MIURF: variants seen among roughly 807,000 people sequenced by gnomAD.
At chr22:39,504,357 C>T in the MIURF span, 1 of 399,070 alleles carries the variant, frequency 2.5e-6, no homozygotes, top group Non-Finnish European at 4.4e-6. Context: ...CCGAAAAAAT[C>T]AGAAGCTAGA....
At chr22:39,504,382 G>C in the MIURF span, 23 of 398,940 alleles carry the variant, frequency 5.8e-5, no homozygotes, top group Non-Finnish European at 9.3e-5. Flanking sequence ...GCTGAGGCCC[G>C]GGAGAGGCAG....
chr22:39,504,419 C>T, the MIURF span: 43 of 399,010 alleles, frequency 1.1e-4, no homozygotes, highest in African/African-American at 2.7e-4. Context: ...TCTTTCTCAA[C>T]GGCAAATTGG....
the MIURF span, chr22:39,504,285 C>T: frequency 7.5e-6 from 3 of 398,992 alleles, no homozygotes; most frequent in African/African-American, 4.1e-5. Context: ...TCTGTTGCGC[C>T]AGGGCCGACA....
At chr22:39,504,363 C>G in the MIURF span, 2 of 399,042 alleles carry the variant, frequency 5.0e-6, no homozygotes, top group Non-Finnish European at 8.8e-6. Context: ...AAATCAGAAG[C>G]TAGAGGACGC....
the MIURF span, chr22:39,504,370 A>C: frequency 2.5e-6 from 1 of 398,938 alleles, no homozygotes; most frequent in Non-Finnish European, 4.4e-6. Flanking sequence ...AAGCTAGAGG[A>C]CGCTGAGGCC....
chr22:39,504,238 C>G, the MIURF span: 3 of 399,320 alleles, frequency 7.5e-6, no homozygotes, highest in Middle Eastern at 6.3e-4. Flanking sequence ...CCCATGGCCC[C>G]GTGGAGCCGA....
the MIURF span, chr22:39,504,247 G>A: frequency 1.5e-5 from 6 of 399,146 alleles, no homozygotes; most frequent in Admixed American, 4.4e-5. Flanking sequence ...CCGTGGAGCC[G>A]AGAGGCGGTG....
At chr22:39,504,324 T>G in the MIURF span, 1 of 398,944 alleles carries the variant, frequency 2.5e-6, no homozygotes, top group Non-Finnish European at 4.4e-6. Flanking sequence ...AGACTTCTAC[T>G]TTGCCTCCAT....
chr22:39,504,270 C>T, the MIURF span: 4 of 399,152 alleles, frequency 1.0e-5, no homozygotes, highest in East Asian at 7.1e-5. Context: ...GAGTCTCTAT[C>T]GGGCTCTGTT....
the MIURF span, chr22:39,504,365 AGAGGACGCTGAGGCCCGGGAGAGGC>A: frequency 2.8e-5 from 11 of 398,952 alleles, no homozygotes; most frequent in African/African-American, 2.3e-4. Flanking sequence ...ATCAGAAGCT[AGAGGACGCTGAGGCCCGGGAGAGGC>A]AGCTGGAGAA....
the MIURF span, chr22:39,504,331 C>G: frequency 2.5e-6 from 1 of 399,074 alleles, no homozygotes; most frequent in African/African-American, 2.1e-5. Context: ...TACTTTGCCT[C>G]CATCCGCCGT....
the MIURF span, chr22:39,504,360 A>G: frequency 5.0e-6 from 2 of 398,838 alleles, no homozygotes; most frequent in African/African-American, 4.1e-5. Flanking sequence ...AAAAAATCAG[A>G]AGCTAGAGGA....
At chr22:39,504,240 T>G in the MIURF span, 1 of 399,328 alleles carries the variant, frequency 2.5e-6, no homozygotes, top group East Asian at 3.6e-5. Context: ...CATGGCCCCG[T>G]GGAGCCGAGA....
the MIURF span, chr22:39,504,404 C>T: frequency 1.4e-4 from 55 of 398,984 alleles, no homozygotes; most frequent in African/African-American, 1.0e-3. Context: ...TGGAGAAGGG[C>T]CTGGTCTTTC....
the MIURF span, chr22:39,504,336 C>A: frequency 1.0e-5 from 4 of 398,932 alleles, no homozygotes; most frequent in Non-Finnish European, 1.8e-5. Flanking sequence ...TGCCTCCATC[C>A]GCCGTGAATT....
the MIURF span, chr22:39,504,283 G>A: frequency 1.3e-4 from 53 of 399,064 alleles, no homozygotes; most frequent in Admixed American, 1.1e-3. Flanking sequence ...GCTCTGTTGC[G>A]CCAGGGCCGA....
chr22:39,504,313 G>A, the MIURF span: 46 of 399,070 alleles, frequency 1.2e-4, no homozygotes, highest in African/African-American at 8.2e-4. Flanking sequence ...TACACTGATC[G>A]AGACTTCTAC....
chr22:39,504,251 G>A, the MIURF span: 5 of 399,144 alleles, frequency 1.3e-5, no homozygotes, highest in African/African-American at 2.1e-5. Context: ...GGAGCCGAGA[G>A]GCGGTGCTGA....
the MIURF span, chr22:39,504,286 A>G: frequency 2.5e-6 from 1 of 399,088 alleles, no homozygotes; most frequent in Non-Finnish European, 4.4e-6. Flanking sequence ...CTGTTGCGCC[A>G]GGGCCGACAG....
Sources: gnomAD v4.1 joint callset for allele counts on GRCh38, gnomAD v4.1.1 for gene constraint, MANE v1.5 for transcripts.